GRID2: variants seen among roughly 807,000 people sequenced by gnomAD.
The protein encoded by GRID2 is glutamate ionotropic receptor delta type subunit 2, also known as glutamate receptor ionotropic, delta-2.
GRID2 carries 33 observed loss-of-function variants against 114.8 expected under a neutral mutation model. The observed-to-expected ratio is 0.29, with a 90% CI of 0.22 to 0.38. The LOEUF (loss-of-function observed/expected upper bound fraction) is 0.38, where lower values mean the gene tolerates loss of function less well. Among genes scored for constraint, GRID2 ranks in the 10% least tolerant of loss-of-function variants. GRID2 has a pLI of 1.00. For synonymous variants in GRID2, 505 were observed against 449.9 expected (o/e 1.12, Z -1.55); for missense variants, 1,184 against 1,257.7 (o/e 0.94, Z 0.89).
At position 93,689,724 on chromosome 4, in the gene GRID2, A is replaced by T. The variant is rs1457251178; in HGVS notation, c.2360+63289A>T. Among the ~76,000 whole-genome samples, 4 of 152,138 alleles carry T rather than the reference A, an allele frequency of 2.6e-5. No homozygotes were observed. In the East Asian group the frequency reaches 7.7e-4, roughly 29 times the overall value. Reference sequence around the variant, plus strand: ...AAACATAGTCTTTTGGCATCATTACATTATGTCAGTGAAGGATATTCTGAT... The same window carrying T: ...AAACATAGTCTTTTGGCATCATTACTTTATGTCAGTGAAGGATATTCTGAT... On this transcript the variant is annotated intron_variant, in intron 14 of 15. Transcript: ENST00000282020.
chr4:93,730,065 A>C (rs938574338), intron 14 of GRID2, among the ~76,000 whole-genome samples: 4 of 152,198 alleles, frequency 2.6e-5, no homozygotes, highest in African/African-American at 9.7e-5. Context: ...ATGAATACAT[A>C]AATAAGTTGC....
intron 13 of GRID2, among the ~76,000 whole-genome samples, chr4:93,552,123 T>G (rs35749910): frequency 0.2 from 29,686 of 148,540 alleles, 3,392 homozygotes; most frequent in Non-Finnish European, 0.26. Context: ...AGTGAGAACA[T>G]GCGGTGTTTG....
rs200485780 is a variant in GRID2 at position 93,110,908 on chromosome 4, G to A, written c.690G>A (p.Ala230=). The change falls in exon 4 of 16, where the codon GCG becomes GCA. Residue 230 remains alanine (A), a synonymous_variant. Transcript: ENST00000282020. The stretch of plus-strand genomic sequence containing the variant: ...GCTATCGAGACACTCTTAGGCGAGC[G>A]ATCCTTGTTATGAATCCTGCTACAG... ...LNRYRDTLRR[A]ILVMNPATAK... The A allele has an allele frequency of 1.8e-5, 29 of 1,613,016 alleles. No homozygotes were observed. Among genetic ancestry groups the A allele is most frequent in the East Asian group, 4.5e-5 (2 of 44,878 alleles).
chr4:92,421,841 C>A (rs1731924293), intron 1 of GRID2, among the ~76,000 whole-genome samples: 1 of 152,104 alleles, frequency 6.6e-6, no homozygotes, highest in Admixed American at 6.6e-5. Flanking sequence ...AATAGCTTAA[C>A]TATTAGAGAG....
At chr4:93,584,247 C>G (rs1737314594) in intron 13 of GRID2, among the ~76,000 whole-genome samples, 1 of 151,982 alleles carries the variant, frequency 6.6e-6, no homozygotes, top group Admixed American at 6.6e-5. Context: ...TGAAAGTAAA[C>G]ATAAGCCAAC....
chr4:93,228,320 G>T (rs1351058223), intron 7 of GRID2, among the ~76,000 whole-genome samples: 1 of 152,040 alleles, frequency 6.6e-6, no homozygotes, highest in African/African-American at 2.4e-5. Flanking sequence ...GACAAAAAGG[G>T]GACCAAACTC....
chr4:93,091,299 T>A (rs565846277), intron 3 of GRID2, among the ~76,000 whole-genome samples: 1 of 152,046 alleles, frequency 6.6e-6, no homozygotes, highest in African/African-American at 2.4e-5. Context: ...TGCATAGGAG[T>A]GGCAGATGCA....
intron 2 of GRID2, among the ~76,000 whole-genome samples, chr4:92,636,163 C>T (rs371155801): frequency 5.5e-4 from 83 of 151,970 alleles, no homozygotes; most frequent in Middle Eastern, 6.8e-3. Flanking sequence ...GTGGGCCTGC[C>T]GAGTCCTGCT....
Position 93,543,369 on chromosome 4 carries a change from T to A in GRID2, c.2193+27958T>A, listed in dbSNP as rs546163122. Among the ~76,000 whole-genome samples, 171 of 152,316 alleles carry A rather than the reference T, an allele frequency of 1.1e-3. 1 individual carries two copies. The highest frequency in any genetic ancestry group is 4.0e-3 in the African/African-American group (166 of 41,574). ...TTTTAAAAAATAAATTTTTCTGAGT[T>A]GCCAACAGAGTAAACATTAGTAAAC... On this transcript the variant is annotated intron_variant, in intron 13 of 15. Coordinates refer to ENST00000282020, the MANE Select transcript of GRID2 (RefSeq NM_001510.4).
intron 1 of GRID2, among the ~76,000 whole-genome samples, chr4:92,495,940 C>T (rs950154981): frequency 2.6e-5 from 4 of 151,756 alleles, no homozygotes; most frequent in African/African-American, 9.7e-5. Flanking sequence ...ACTTTTGATG[C>T]AACTATGAGC....
chr4:93,076,250 G>A (rs1729285627), intron 2 of GRID2, among the ~76,000 whole-genome samples: 1 of 151,996 alleles, frequency 6.6e-6, no homozygotes, highest in African/African-American at 2.4e-5. Flanking sequence ...CATGGCGGTG[G>A]GAGAGTGTGT....
At chr4:92,355,350 A>G (rs1338754225) in intron 1 of GRID2, among the ~76,000 whole-genome samples, 1 of 151,904 alleles carries the variant, frequency 6.6e-6, no homozygotes, top group Non-Finnish European at 1.5e-5. Context: ...AGGCATGCAA[A>G]ATTTTACTAC....
intron 8 of GRID2, among the ~76,000 whole-genome samples, chr4:93,309,631 A>T (rs1755801800): frequency 1.3e-5 from 2 of 152,144 alleles, no homozygotes; most frequent in African/African-American, 4.8e-5. Flanking sequence ...CTGAGGTTTT[A>T]TACTTCTCTT....
At chr4:92,433,073 G>C (rs1167378808) in intron 1 of GRID2, among the ~76,000 whole-genome samples, 1 of 152,044 alleles carries the variant, frequency 6.6e-6, no homozygotes, top group African/African-American at 2.4e-5. Context: ...GGGGCCTCTG[G>C]ACTCTGCCTG....
chr4:93,411,480 G>A lies in GRID2; in HGVS notation c.1348-11291G>A, dbSNP rs149105949. Among the ~76,000 whole-genome samples the A allele has an allele frequency of 8.5e-4, 128 of 151,132 alleles. 1 individual carries two copies. Among genetic ancestry groups the A allele is most frequent in the Admixed American group, 3.5e-3 (53 of 15,184 alleles). On this transcript the variant is annotated intron_variant, in intron 9 of 15. Coordinates refer to ENST00000282020, the MANE Select transcript of GRID2 (RefSeq NM_001510.4). ...CTTACTCTATCACTCTGTCACATAGGCTGGAGTGCAATGCCGTGGTCCTAG... is the reference window on the plus strand; with the variant it reads ...CTTACTCTATCACTCTGTCACATAGACTGGAGTGCAATGCCGTGGTCCTAG...
At chr4:92,667,454 CTTA>C (rs1252103366) in intron 2 of GRID2, among the ~76,000 whole-genome samples, 1 of 151,284 alleles carries the variant, frequency 6.6e-6, no homozygotes, top group African/African-American at 2.4e-5. Context: ...ATATGTTTCA[CTTA>C]TTATTAGAAG....
intron 2 of GRID2, among the ~76,000 whole-genome samples, chr4:92,624,861 A>T (rs1730445840): frequency 6.6e-6 from 1 of 151,850 alleles, no homozygotes; most frequent in Admixed American, 6.6e-5. Flanking sequence ...GTATAAATAC[A>T]ATCTGAAAGG....
chr4:92,306,739 A>G (rs554594677), intron 1 of GRID2, among the ~76,000 whole-genome samples: 1 of 152,302 alleles, frequency 6.6e-6, no homozygotes, highest in African/African-American at 2.4e-5. Flanking sequence ...AAACTGTTGT[A>G]TTTTTTAGTT....
At chr4:92,313,874 CTA>C (rs914160758) in intron 1 of GRID2, among the ~76,000 whole-genome samples, 37 of 151,948 alleles carry the variant, frequency 2.4e-4, no homozygotes, top group African/African-American at 8.2e-4. Context: ...ATGAGGAATT[CTA>C]TGAGTTTTGT....
Sources: gnomAD v4.1 joint callset for allele counts (sites outside exome capture counted in the v4.1 genomes callset) on GRCh38, gnomAD v4.1.1 for gene constraint, MANE v1.5 for transcripts, NCBI Gene and HGNC (gene_info 2026-07-23, HGNC 2026-07-21) for gene names.